Variants in RHAG observed in about 807,000 individuals in gnomAD.
RHAG encodes ammonium transporter Rh type A.
RHAG carries 25 observed loss-of-function variants against 42.4 expected under a neutral mutation model. The observed-to-expected ratio is 0.59, with a 90% CI of 0.43 to 0.82. The LOEUF (loss-of-function observed/expected upper bound fraction) is 0.82, where lower values mean the gene tolerates loss of function less well. RHAG is among the 40% of genes least tolerant of loss of function. The pLI, the probability that RHAG is intolerant of heterozygous loss-of-function variation, is 0.00. For synonymous variants in RHAG, 182 were observed against 177.7 expected (o/e 1.02, Z -0.19); for missense variants, 483 against 504.6 (o/e 0.96, Z 0.41).
At chr6:49,617,080 A>G (rs1425538999) in intron 3 of RHAG, among the ~76,000 whole-genome samples, 1 of 152,170 alleles carries the variant, frequency 6.6e-6, no homozygotes, top group African/African-American at 2.4e-5. Context: ...AATCTGACCC[A>G]CTTACTTTGG....
At chr6:49,625,087 C>G (rs986362299) in intron 1 of RHAG, among the ~76,000 whole-genome samples, 1 of 152,216 alleles carries the variant, frequency 6.6e-6, no homozygotes. Context: ...AGATCACTCA[C>G]CTGATGTTTT....
intron 1 of RHAG, among the ~76,000 whole-genome samples, chr6:49,630,365 G>A (rs1163567128): frequency 6.6e-6 from 1 of 152,216 alleles, no homozygotes; most frequent in Non-Finnish European, 1.5e-5. Flanking sequence ...GCTTGTCTCA[G>A]AGAACTCAAC....
intron 1 of RHAG, among the ~76,000 whole-genome samples, chr6:49,628,904 T>C (rs1201023853): frequency 6.6e-6 from 1 of 152,140 alleles, no homozygotes; most frequent in East Asian, 1.9e-4. Context: ...AGAACAAAGC[T>C]TCCACATTGT....
chr6:49,610,260 G>T (rs1279477423), intron 7 of RHAG, among the ~76,000 whole-genome samples: 1 of 152,082 alleles, frequency 6.6e-6, no homozygotes, highest in East Asian at 1.9e-4. Context: ...TGAGCATTCT[G>T]ATTTTTCTTA....
chr6:49,631,536 T>A (rs572998509), intron 1 of RHAG, among the ~76,000 whole-genome samples: 3 of 152,302 alleles, frequency 2.0e-5, no homozygotes, highest in Admixed American at 2.0e-4. Context: ...ATTCCTAATT[T>A]GGCCTGTTGA....
intron 5 of RHAG, among the ~76,000 whole-genome samples, chr6:49,614,062 A>C (rs1762609921): frequency 6.6e-6 from 1 of 152,158 alleles, no homozygotes; most frequent in African/African-American, 2.4e-5. Flanking sequence ...AGAACTTGGG[A>C]GCAGTTAACT....
intron 1 of RHAG, among the ~76,000 whole-genome samples, chr6:49,621,061 C>T (rs1762749046): frequency 1.3e-5 from 2 of 152,112 alleles, no homozygotes; most frequent in South Asian, 2.1e-4. Context: ...CTCTGGCTTC[C>T]GAGGCACACA....
rs1762561759 is a variant in RHAG at position 49,611,047 on chromosome 6, T to G, written c.1044A>C (p.Ala348=). Residue 348 remains alanine, a synonymous_variant, in exon 7 of 10, where the codon GCA becomes GCC. Coordinates refer to ENST00000371175, the MANE Select transcript of RHAG (RefSeq NM_000324.3). ...ACGTGTTGGAGGCGCCCATTGCTAC[T>G]GCCACAATGCCTGCAAGGCCTCCCA... ...GVVGGLAGIV[A]VAMGASNTSM... 6 of 1,613,786 alleles carry G rather than the reference T, an allele frequency of 3.7e-6. No individual in the cohort carries two copies. In the South Asian group the frequency reaches 6.6e-5, roughly 18 times the overall value.
chr6:49,616,734 T>C (rs1762661332), intron 3 of RHAG, among the ~76,000 whole-genome samples: 1 of 152,230 alleles, frequency 6.6e-6, no homozygotes. Context: ...CTTTGTTTAC[T>C]AGACATAGAC....
intron 1 of RHAG, among the ~76,000 whole-genome samples, chr6:49,632,599 A>G (rs1410287555): frequency 2.0e-5 from 3 of 152,186 alleles, no homozygotes; most frequent in Non-Finnish European, 4.4e-5. Flanking sequence ...CAGTGAATCA[A>G]TATTTTTCAA....
chr6:49,614,467 G>T (rs889493801), intron 5 of RHAG, among the ~76,000 whole-genome samples: 1 of 151,946 alleles, frequency 6.6e-6, no homozygotes, highest in Non-Finnish European at 1.5e-5. Context: ...CTCCCAAAGT[G>T]CTGGGATTAC....
chr6:49,623,038 C>G (rs974871550), intron 1 of RHAG, among the ~76,000 whole-genome samples: 9 of 151,958 alleles, frequency 5.9e-5, no homozygotes, highest in African/African-American at 2.2e-4. Context: ...GGGGTTTTCA[C>G]CGTGTTAGCC....
At chr6:49,610,634 A>G (rs993096463) in intron 7 of RHAG, among the ~76,000 whole-genome samples, 1 of 152,062 alleles carries the variant, frequency 6.6e-6, no homozygotes, top group African/African-American at 2.4e-5. Context: ...TATTATTCCA[A>G]CTCATCCTTC....
chr6:49,612,429 T>C lies in RHAG; in HGVS notation c.913A>G (p.Met305Val), dbSNP rs1375371605. The C allele has an allele frequency of 6.2e-7, 1 of 1,614,180 alleles. No individual in the cohort carries two copies. The highest frequency in any genetic ancestry group is 1.1e-5 in the South Asian group (1 of 91,086). ...AACTTGTATCCAAGCACAGAGACCATTCCTGCAATGCTCCCAATAATCATA... is the reference window on the plus strand; with the variant it reads ...AACTTGTATCCAAGCACAGAGACCACTCCTGCAATGCTCCCAATAATCATA... ...GSMIIGSIAGMVSVLGYKFLT... is the reference protein window; with the variant it reads ...GSMIIGSIAGVVSVLGYKFLT... Residue 305 changes from methionine to valine, a missense_variant, in exon 6 of 10, where the codon ATG (methionine) becomes GTG (valine). Met to Val is a conservative substitution (Grantham distance 21). Transcript: ENST00000371175.
intron 1 of RHAG, among the ~76,000 whole-genome samples, chr6:49,624,901 G>A (rs1250764374): frequency 6.6e-6 from 1 of 152,162 alleles, no homozygotes; most frequent in East Asian, 1.9e-4. Flanking sequence ...ATTAGTTGAT[G>A]ACATGCATAA....
chr6:49,611,811 G>A (rs1366343459), intron 6 of RHAG, among the ~76,000 whole-genome samples: 3 of 150,190 alleles, frequency 2.0e-5, no homozygotes, highest in South Asian at 4.2e-4. Context: ...GTGCCATCTC[G>A]GCTCACTGCA....
intron 7 of RHAG, among the ~76,000 whole-genome samples, chr6:49,610,216 T>C (rs1053174825): frequency 1.3e-5 from 2 of 152,146 alleles, no homozygotes; most frequent in Non-Finnish European, 2.9e-5. Flanking sequence ...TGCACATGTA[T>C]CCAGAACTTA....
rs1200493058 is a variant in RHAG, at chr6:49,618,171, C to T, written c.389G>A (p.Gly130Glu). The change falls in exon 3 of 10, where the codon GGA becomes GAA. Residue 130 changes from glycine (G) to glutamate (E), a missense_variant. Physicochemically the swap from Gly to Glu is moderately conservative, Grantham distance 98. Transcript: ENST00000371175. ...FSAATVLISF[G>E]AVLGKTSPTQ... ...GGGGCTCGTTTTTCCCAGGACAGCT[C>T]CAAAAGATATCAGAACTGTGGCTGC... The T allele has an allele frequency of 1.2e-6, 2 of 1,614,082 alleles. No individual in the cohort carries two copies. Among genetic ancestry groups the T allele is most frequent in the Non-Finnish European group, 1.7e-6 (2 of 1,180,000 alleles).
Position 49,615,702 on chromosome 6 carries a change from T to A in RHAG, c.562A>T (p.Ile188Phe). Residue 188 changes from isoleucine (I) to phenylalanine (F), a missense_variant, in exon 4 of 10, where the codon ATC (isoleucine) becomes TTC (phenylalanine). Physicochemically the swap from Ile to Phe is conservative, Grantham distance 21. Transcript: ENST00000371175. ...TTTCTCAGTCCAGATCGATACAAGATGCCTGCTACAGCCAAGCCAAAGTAG... is the reference window on the plus strand; with the variant it reads ...TTTCTCAGTCCAGATCGATACAAGAAGCCTGCTACAGCCAAGCCAAAGTAG... ...GAYFGLAVAG[I>F]LYRSGLRKGH... The A allele has an allele frequency of 6.2e-7, 1 of 1,614,168 alleles. No individual in the cohort carries two copies. Among genetic ancestry groups the A allele is most frequent in the Non-Finnish European group, 8.5e-7 (1 of 1,180,020 alleles).
Sources: allele counts gnomAD v4.1 joint callset (sites outside exome capture counted in the v4.1 genomes callset), GRCh38; gene constraint gnomAD v4.1.1; transcripts MANE v1.5; gene names NCBI Gene and HGNC (gene_info 2026-07-23, HGNC 2026-07-21).